The following ZNF148 variants were observed in gnomAD, a reference collection of about 807,000 sequenced individuals.
ZNF148 encodes Beta-Enolase Repressor Factor-1.
ZNF148 carries 7 observed loss-of-function variants against 67.7 expected under a neutral mutation model. The ratio of observed to expected loss-of-function variants is 0.10; its 90% confidence interval spans 0.06 to 0.19. The LOEUF (loss-of-function observed/expected upper bound fraction) is 0.19. ZNF148 is among the 10% of genes least tolerant of loss of function. ZNF148 has a pLI of 1.00. For synonymous variants in ZNF148, 333 were observed against 330.7 expected (o/e 1.01, Z -0.08); for missense variants, 583 against 947.1 (o/e 0.62, Z 5.05).
intron 7 of ZNF148, among the ~76,000 whole-genome samples, chr3:125,254,357 T>C (rs1210661926): frequency 6.6e-6 from 1 of 152,180 alleles, no homozygotes; most frequent in Non-Finnish European, 1.5e-5. Flanking sequence ...TTGGTTACTG[T>C]TGGGTACATG....
At chr3:125,335,301 A>T (rs1191973677) in intron 1 of ZNF148, among the ~76,000 whole-genome samples, 1 of 152,150 alleles carries the variant, frequency 6.6e-6, no homozygotes, top group African/African-American at 2.4e-5. Context: ...CTCCCAGGAA[A>T]TCAGGCTCTA....
At chr3:125,346,760 C>G (rs532041335) in intron 1 of ZNF148, among the ~76,000 whole-genome samples, 1 of 152,182 alleles carries the variant, frequency 6.6e-6, no homozygotes, top group South Asian at 2.1e-4. Context: ...TCAGGCCTCC[C>G]CAGCCAATTA....
chr3:125,320,826 T>C (rs558541979), intron 3 of ZNF148, among the ~76,000 whole-genome samples: 1 of 152,308 alleles, frequency 6.6e-6, no homozygotes, highest in South Asian at 2.1e-4. Flanking sequence ...CACTCTGTTA[T>C]TTGGAGGATG....
chr3:125,329,341 AAAATTT>A (rs1941175539), intron 2 of ZNF148, among the ~76,000 whole-genome samples: 1 of 10,626 alleles, frequency 9.4e-5, no homozygotes, highest in South Asian at 1.7e-3. Flanking sequence ...ATATATATAT[AAAATTT>A]TACATATATA....
At chr3:125,370,663 A>C (rs1267059021) in intron 1 of ZNF148, among the ~76,000 whole-genome samples, 1 of 152,206 alleles carries the variant, frequency 6.6e-6, no homozygotes. Context: ...TTATCTTTCT[A>C]ATCTCCCAAC....
intron 1 of ZNF148, among the ~76,000 whole-genome samples, chr3:125,342,076 C>T (rs1335072771): frequency 1.4e-5 from 2 of 147,418 alleles, no homozygotes; most frequent in African/African-American, 5.1e-5. Flanking sequence ...CCAATCTGAA[C>T]AAGAGAAGAA....
intron 4 of ZNF148, among the ~76,000 whole-genome samples, chr3:125,291,580 A>AT (rs1939016542): frequency 6.6e-6 from 1 of 151,926 alleles, no homozygotes; most frequent in Non-Finnish European, 1.5e-5. Context: ...ATTCCCACCC[A>AT]TTTTCATAGC....
At chr3:125,330,641 A>G (rs905480404) in intron 2 of ZNF148, among the ~76,000 whole-genome samples, 5 of 152,122 alleles carry the variant, frequency 3.3e-5, no homozygotes, top group Non-Finnish European at 7.4e-5. Context: ...CAGCCTGGGC[A>G]ACATAGTCGA....
intron 3 of ZNF148, among the ~76,000 whole-genome samples, chr3:125,316,880 C>T (rs1297366015): frequency 6.6e-6 from 1 of 151,918 alleles, no homozygotes; most frequent in East Asian, 1.9e-4. Flanking sequence ...TAATCTTATG[C>T]CTAGCATCAA....
At chr3:125,341,262 C>A (rs1579850153) in intron 1 of ZNF148, among the ~76,000 whole-genome samples, 3 of 136,800 alleles carry the variant, frequency 2.2e-5, no homozygotes, top group South Asian at 2.3e-4. Flanking sequence ...AGCAAAGAAA[C>A]AGAAGTTATT....
chr3:125,292,977 AT>A (rs1939093809), intron 4 of ZNF148, among the ~76,000 whole-genome samples: 2 of 152,248 alleles, frequency 1.3e-5, no homozygotes, highest in Non-Finnish European at 2.9e-5. Flanking sequence ...TATCAAAAAA[AT>A]GTAAAACAAT....
intron 1 of ZNF148, among the ~76,000 whole-genome samples, chr3:125,341,607 TAAATA>T (rs1941726802): frequency 6.6e-6 from 1 of 150,466 alleles, no homozygotes; most frequent in African/African-American, 2.4e-5. Flanking sequence ...GAAAAAAAAG[TAAATA>T]AAATAAATAA....
At position 125,231,597 on chromosome 3, in the gene ZNF148, C is replaced by T. The variant is rs575841842; in HGVS notation, c.*744G>A. Reference sequence around the variant, plus strand: ...AATCATAAAAAATATCTAAGTACAACTGTACAAAGAAACTGACACCAATAT... The same window carrying T: ...AATCATAAAAAATATCTAAGTACAATTGTACAAAGAAACTGACACCAATAT... On this transcript the variant is annotated 3_prime_UTR_variant, in exon 9 of 9. Transcript: ENST00000360647. The T allele has an allele frequency of 6.6e-6, 1 of 152,598 alleles. No individual in the cohort carries two copies. The highest frequency in any genetic ancestry group is 1.9e-4 in the East Asian group (1 of 5,176). The allele number at this position is 152,598 out of a possible 1,614,324, so 9.5% of individuals were successfully genotyped here.
intron 1 of ZNF148, among the ~76,000 whole-genome samples, chr3:125,367,761 G>A (rs1006870206): frequency 6.6e-6 from 1 of 152,122 alleles, no homozygotes; most frequent in Non-Finnish European, 1.5e-5. Context: ...AGGATAACAG[G>A]GCCAAGTTGA....
At chr3:125,338,590 G>A (rs559021650) in intron 1 of ZNF148, among the ~76,000 whole-genome samples, 5 of 127,524 alleles carry the variant, frequency 3.9e-5, no homozygotes, top group Non-Finnish European at 6.2e-5. Context: ...AGCCTGGGGG[G>A]CAAAGGTCGC....
At chr3:125,316,461 CA>C (rs1290810907) in intron 3 of ZNF148, among the ~76,000 whole-genome samples, 1 of 152,160 alleles carries the variant, frequency 6.6e-6, no homozygotes, top group East Asian at 1.9e-4. Context: ...ACATTCCCAC[CA>C]ACAGCATAGA....
intron 7 of ZNF148, among the ~76,000 whole-genome samples, chr3:125,250,702 TTTTG>T (rs772867874): frequency 1.4e-4 from 21 of 152,214 alleles, no homozygotes; most frequent in Non-Finnish European, 2.5e-4. Context: ...TTCTGGGGTT[TTTTG>T]TTTGTTTTTG....
At chr3:125,309,725 T>C (rs995607705) in intron 4 of ZNF148, among the ~76,000 whole-genome samples, 7 of 152,352 alleles carry the variant, frequency 4.6e-5, no homozygotes, top group Middle Eastern at 3.4e-3. Flanking sequence ...TGTATACATC[T>C]CGTTTGGAAA....
At chr3:125,314,340 T>C (rs1322040913) in intron 3 of ZNF148, among the ~76,000 whole-genome samples, 1 of 152,214 alleles carries the variant, frequency 6.6e-6, no homozygotes, top group Non-Finnish European at 1.5e-5. Context: ...TTTTGGAATT[T>C]ATCTTGATGA....
Sources: allele counts gnomAD v4.1 joint callset (sites outside exome capture counted in the v4.1 genomes callset), GRCh38; gene constraint gnomAD v4.1.1; transcripts MANE v1.5; gene names NCBI Gene and HGNC (gene_info 2026-07-23, HGNC 2026-07-21).